The following BICC1 variants were observed in gnomAD, a reference collection of about 807,000 sequenced individuals.
The protein encoded by BICC1 is protein bicaudal C homolog 1.
A neutral mutation model predicts 111.0 loss-of-function variants in BICC1; 43 were observed. The ratio of observed to expected loss-of-function variants is 0.39; its 90% CI spans 0.30 to 0.50. The LOEUF (loss-of-function observed/expected upper bound fraction) is 0.50, where lower values mean the gene tolerates loss of function less well. Among genes scored for constraint, BICC1 ranks in the 20% least tolerant of loss-of-function variants. BICC1 has a pLI of 0.88. For synonymous variants in BICC1, 467 were observed against 434.4 expected (o/e 1.07, Z -0.93); for missense variants, 1,091 against 1,203.2 (o/e 0.91, Z 1.38).
At chr10:58,823,935 T>G (rs1844323326) in intron 20 of BICC1, 1 of 985,300 alleles carries the variant, frequency 1.0e-6, no homozygotes, top group South Asian at 4.7e-5. Context: ...AATAACTGTG[T>G]TTCTGGAGGA....
chr10:58,622,616 G>A (rs1196866738), intron 2 of BICC1, among the ~76,000 whole-genome samples: 2 of 152,142 alleles, frequency 1.3e-5, no homozygotes, highest in Non-Finnish European at 2.9e-5. Context: ...TTAGTTCAAT[G>A]GGAACTGTCT....
At chr10:58,728,200 G>A (rs534028570) in intron 3 of BICC1, among the ~76,000 whole-genome samples, 1 of 152,304 alleles carries the variant, frequency 6.6e-6, no homozygotes, top group Non-Finnish European at 1.5e-5. Flanking sequence ...CTGTCTAATA[G>A]CATTTTATTC....
chr10:58,568,181 TAC>T (rs748617235), intron 1 of BICC1, among the ~76,000 whole-genome samples: 11 of 152,150 alleles, frequency 7.2e-5, no homozygotes, highest in Non-Finnish European at 1.2e-4. Flanking sequence ...GATGAGGAGA[TAC>T]AGAGGTCTTG....
chr10:58,762,223 G>A (rs534373511), intron 3 of BICC1, among the ~76,000 whole-genome samples: 1 of 152,158 alleles, frequency 6.6e-6, no homozygotes, highest in East Asian at 1.9e-4. Context: ...GCTGGAGAAT[G>A]TACAAACAGA....
intron 1 of BICC1, among the ~76,000 whole-genome samples, chr10:58,591,675 G>A (rs1479356752): frequency 6.6e-6 from 1 of 152,174 alleles, no homozygotes; most frequent in Non-Finnish European, 1.5e-5. Context: ...CTTAACTGAT[G>A]GGGAGATTTA....
chr10:58,774,297 T>C (rs1842694040), intron 3 of BICC1, among the ~76,000 whole-genome samples: 1 of 152,218 alleles, frequency 6.6e-6, no homozygotes, highest in African/African-American at 2.4e-5. Flanking sequence ...AAGGAACTTT[T>C]TTTTAGCTAA....
At chr10:58,571,001 G>A (rs574274803) in intron 1 of BICC1, among the ~76,000 whole-genome samples, 1 of 152,162 alleles carries the variant, frequency 6.6e-6, no homozygotes, top group Admixed American at 6.6e-5. Context: ...CCCAGCAAAG[G>A]TATCCACTTC....
intron 1 of BICC1, among the ~76,000 whole-genome samples, chr10:58,544,773 C>T (rs573884935): frequency 6.6e-6 from 1 of 152,160 alleles, no homozygotes; most frequent in Admixed American, 6.6e-5. Flanking sequence ...ATTGTGTCTC[C>T]CTTTCCCCCA....
chr10:58,807,062 C>G lies in BICC1; in HGVS notation c.2280C>G (p.Gly760=), dbSNP rs765565391. Residue 760 remains glycine, a synonymous_variant, in exon 17 of 21, where the codon GGC becomes GGG. Transcript: ENST00000373886. ...GAACGCCCACAAATACCTGGAGTGGCCTGGGTTTTTCTAAATCCATGCCAG... is the reference window on the plus strand; with the variant it reads ...GAACGCCCACAAATACCTGGAGTGGGCTGGGTTTTTCTAAATCCATGCCAG... ...EVRTPTNTWS[G]LGFSKSMPAE... The G allele has an allele frequency of 6.2e-7, 1 of 1,613,870 alleles. No individual in the cohort carries two copies. The highest frequency in any genetic ancestry group is 1.1e-5 in the South Asian group (1 of 91,072).
chr10:58,636,435 C>G (rs1384885215), intron 2 of BICC1, among the ~76,000 whole-genome samples: 65 of 152,126 alleles, frequency 4.3e-4, no homozygotes, highest in Admixed American at 4.2e-3. Context: ...CATCCTCCTG[C>G]CTCCCCACCT....
intron 3 of BICC1, among the ~76,000 whole-genome samples, chr10:58,757,876 G>T (rs1190547535): frequency 6.6e-6 from 1 of 152,034 alleles, no homozygotes; most frequent in Non-Finnish European, 1.5e-5. Context: ...TCTTTTTGCT[G>T]CCACAGCAAA....
At chr10:58,619,567 C>T (rs760700771) in intron 1 of BICC1, among the ~76,000 whole-genome samples, 10 of 151,138 alleles carry the variant, frequency 6.6e-5, no homozygotes, top group Non-Finnish European at 1.0e-4. Flanking sequence ...CTCTGCCTCC[C>T]GGGTTCAAGC....
chr10:58,780,171 C>T (rs186661707), intron 3 of BICC1, among the ~76,000 whole-genome samples: 9 of 152,274 alleles, frequency 5.9e-5, no homozygotes, highest in Middle Eastern at 3.4e-3. Flanking sequence ...AAGAGCTCCA[C>T]GCCAGGGGAA....
intron 1 of BICC1, among the ~76,000 whole-genome samples, chr10:58,535,274 G>A (rs1259970463): frequency 6.6e-6 from 1 of 151,634 alleles, no homozygotes; most frequent in Non-Finnish European, 1.5e-5. Flanking sequence ...CGTCACCAAA[G>A]AACATAGTCA....
chr10:58,553,724 C>A (rs1843363666), intron 1 of BICC1, among the ~76,000 whole-genome samples: 1 of 152,044 alleles, frequency 6.6e-6, no homozygotes, highest in Non-Finnish European at 1.5e-5. Flanking sequence ...GGGGGCTAGA[C>A]TCCCCCTTCT....
intron 3 of BICC1, among the ~76,000 whole-genome samples, chr10:58,750,522 C>A (rs1170272071): frequency 1.3e-5 from 2 of 152,078 alleles, no homozygotes; most frequent in East Asian, 3.9e-4. Flanking sequence ...ACCTTTGTGT[C>A]CCAGTTTGTG....
chr10:58,581,346 T>G (rs575681286), intron 1 of BICC1, among the ~76,000 whole-genome samples: 6 of 152,312 alleles, frequency 3.9e-5, no homozygotes, highest in African/African-American at 1.4e-4. Context: ...ATGATGATAT[T>G]AAGTTATTCA....
intron 3 of BICC1, among the ~76,000 whole-genome samples, chr10:58,751,093 A>G (rs964855879): frequency 1.3e-5 from 2 of 152,188 alleles, no homozygotes; most frequent in Non-Finnish European, 2.9e-5. Context: ...ACCCAAATCA[A>G]TAGCCATAGA....
intron 1 of BICC1, among the ~76,000 whole-genome samples, chr10:58,616,471 G>A (rs576148716): frequency 3.3e-5 from 5 of 152,356 alleles, no homozygotes; most frequent in Non-Finnish European, 5.9e-5. Context: ...CAAAGACTCC[G>A]TATGTGCTAC....
Sources: gnomAD v4.1 joint callset for allele counts (sites outside exome capture counted in the v4.1 genomes callset) on GRCh38, gnomAD v4.1.1 for gene constraint, MANE v1.5 for transcripts, NCBI Gene and HGNC (gene_info 2026-07-23, HGNC 2026-07-21) for gene names.